Variants in RNF180 observed in about 807,000 individuals in gnomAD.
RNF180 encodes the protein ring finger protein 180, also known as E3 ubiquitin-protein ligase RNF180.
In RNF180, 38 loss-of-function variants were observed where a neutral mutation model predicts 59.2. The ratio of observed to expected loss-of-function variants is 0.64; its 90% confidence interval spans 0.50 to 0.84. The LOEUF (loss-of-function observed/expected upper bound fraction) is 0.84. RNF180 is among the 40% of genes least tolerant of loss of function. The pLI, the probability that RNF180 is intolerant of heterozygous loss-of-function variation, is 0.00. For missense variants in RNF180, 705 were observed against 700.9 expected (o/e 1.01, Z -0.07); for synonymous variants, 262 against 240.3 (o/e 1.09, Z -0.84).
intron 5 of RNF180, among the ~76,000 whole-genome samples, chr5:64,260,160 A>C (rs1213915150): frequency 7.2e-5 from 11 of 152,346 alleles, no homozygotes; most frequent in African/African-American, 2.2e-4. Flanking sequence ...ATGCATATAG[A>C]TATTTCGCCC....
chr5:64,201,415 G>A (rs957229810), intron 2 of RNF180, among the ~76,000 whole-genome samples: 1 of 152,166 alleles, frequency 6.6e-6, no homozygotes, highest in Non-Finnish European at 1.5e-5. Context: ...ATTCAAGTGT[G>A]TGTTTGGTCA....
chr5:64,270,693 T>C (rs1741351693), intron 5 of RNF180, among the ~76,000 whole-genome samples: 1 of 152,114 alleles, frequency 6.6e-6, no homozygotes, highest in Admixed American at 6.6e-5. Flanking sequence ...TGAAGCAGTA[T>C]TTTTTAAGGA....
intron 5 of RNF180, among the ~76,000 whole-genome samples, chr5:64,319,313 TA>T (rs1365726457): frequency 6.6e-6 from 1 of 152,142 alleles, no homozygotes. Context: ...TTATTTCATT[TA>T]AAAAAATAAT....
chr5:64,345,141 A>T (rs1193391543), intron 7 of RNF180, among the ~76,000 whole-genome samples: 1 of 152,126 alleles, frequency 6.6e-6, no homozygotes, highest in African/African-American at 2.4e-5. Flanking sequence ...ATCATAGAGA[A>T]TTATCCACCT....
intron 6 of RNF180, among the ~76,000 whole-genome samples, chr5:64,325,691 T>A (rs770135733): frequency 6.6e-6 from 1 of 152,198 alleles, no homozygotes; most frequent in Non-Finnish European, 1.5e-5. Flanking sequence ...GAAGTTCCAT[T>A]TGAAGCAGTG....
At chr5:64,186,591 A>G (rs991213989) in intron 1 of RNF180, among the ~76,000 whole-genome samples, 1 of 152,174 alleles carries the variant, frequency 6.6e-6, no homozygotes, top group African/African-American at 2.4e-5. Context: ...GGGACAAAAT[A>G]ATAGTTTCTC....
At chr5:64,243,968 A>G (rs1273704491) in intron 5 of RNF180, among the ~76,000 whole-genome samples, 1 of 152,180 alleles carries the variant, frequency 6.6e-6, no homozygotes, top group Non-Finnish European at 1.5e-5. Context: ...GTGGACCTCC[A>G]GCAAACTCCA....
chr5:64,298,430 G>A (rs1743001730), intron 5 of RNF180, among the ~76,000 whole-genome samples: 2 of 151,790 alleles, frequency 1.3e-5, no homozygotes, highest in South Asian at 2.1e-4. Context: ...ATGGTAAGGG[G>A]TCCAGTTTCA....
intron 1 of RNF180, among the ~76,000 whole-genome samples, chr5:64,174,117 T>A (rs1750101341): frequency 6.6e-6 from 1 of 152,236 alleles, no homozygotes; most frequent in Admixed American, 6.5e-5. Flanking sequence ...CTCATCCATG[T>A]TGCCACAAAT....
intron 7 of RNF180, among the ~76,000 whole-genome samples, chr5:64,359,594 A>G (rs1225875310): frequency 6.6e-6 from 1 of 151,532 alleles, no homozygotes; most frequent in Non-Finnish European, 1.5e-5. Context: ...TTGCCTGTTC[A>G]CTCTGATGGT....
intron 6 of RNF180, among the ~76,000 whole-genome samples, chr5:64,328,859 T>A (rs1364646094): frequency 1.3e-5 from 2 of 152,184 alleles, no homozygotes; most frequent in African/African-American, 4.8e-5. Context: ...AGGTGATCAT[T>A]GCGGGATGAA....
chr5:64,221,092 G>A (rs1033178211), intron 5 of RNF180, among the ~76,000 whole-genome samples: 3 of 151,934 alleles, frequency 2.0e-5, no homozygotes, highest in African/African-American at 7.2e-5. Flanking sequence ...TTTTAAAGGA[G>A]CCCATTTAAT....
intron 1 of RNF180, among the ~76,000 whole-genome samples, chr5:64,200,120 C>A (rs975475317): frequency 3.9e-5 from 6 of 151,926 alleles, no homozygotes; most frequent in African/African-American, 1.4e-4. Context: ...ATATTTAGTT[C>A]TTTGTCATGA....
At chr5:64,180,938 A>C (rs2111942848) in intron 1 of RNF180, among the ~76,000 whole-genome samples, 1 of 152,316 alleles carries the variant, frequency 6.6e-6, no homozygotes, top group South Asian at 2.1e-4. Context: ...TCTGGATCCC[A>C]AAACCTCAAA....
chr5:64,367,435 TAGAA>T (rs1746494064), intron 7 of RNF180, among the ~76,000 whole-genome samples: 1 of 151,654 alleles, frequency 6.6e-6, no homozygotes. Flanking sequence ...TCAGATATGA[TAGAA>T]AGTCAGCCAA....
intron 1 of RNF180, among the ~76,000 whole-genome samples, chr5:64,194,912 G>T (rs2934803): frequency 0.65 from 98,730 of 152,056 alleles, 34,127 homozygotes; most frequent in African/African-American, 0.89. Flanking sequence ...GAAATATACA[G>T]ATAGGAAAAT....
intron 5 of RNF180, among the ~76,000 whole-genome samples, chr5:64,226,768 C>T (rs12515224): frequency 0.078 from 11,905 of 152,232 alleles, 632 homozygotes; most frequent in South Asian, 0.15. Flanking sequence ...GTTCTTTAGC[C>T]TCCAAAATAC....
intron 5 of RNF180, among the ~76,000 whole-genome samples, chr5:64,308,079 C>T (rs1356803878): frequency 6.6e-6 from 1 of 151,706 alleles, no homozygotes; most frequent in African/African-American, 2.4e-5. Flanking sequence ...CAAATTTCAG[C>T]TATTCTAAGA....
At chr5:64,344,526 GAAA>G (rs768866161) in intron 7 of RNF180, among the ~76,000 whole-genome samples, 1 of 113,136 alleles carries the variant, frequency 8.8e-6, no homozygotes, top group Admixed American at 8.3e-5. Flanking sequence ...GGAACTGCTA[GAAA>G]AAAAAACACA....
Sources: allele counts gnomAD v4.1 joint callset (sites outside exome capture counted in the v4.1 genomes callset), GRCh38; gene constraint gnomAD v4.1.1; transcripts MANE v1.5; gene names NCBI Gene and HGNC (gene_info 2026-07-23, HGNC 2026-07-21).